EFCAB11: variants seen among roughly 807,000 people sequenced by gnomAD.
EFCAB11 encodes the protein EF-hand calcium binding domain 11.
Under a neutral mutation model 23.0 loss-of-function variants are expected in EFCAB11, and 14 were observed. The observed-to-expected ratio is 0.61, with a 90% CI of 0.40 to 0.95. The LOEUF is 0.95. Among genes scored for constraint, EFCAB11 ranks in the 40% least tolerant of loss-of-function variants. The probability of loss-of-function intolerance (pLI) is 0.00; values close to 1 mark genes in which losing one functional copy is unlikely to be tolerated. For missense variants in EFCAB11, 198 were observed against 195.8 expected, an observed-to-expected ratio of 1.01 and a Z score of -0.07; for synonymous variants, 65 against 66.6, an observed-to-expected ratio of 0.98 and a Z score of 0.11.
chr14:89,850,649 T>C (rs1045426355), intron 5 of EFCAB11, among the ~76,000 whole-genome samples: 6 of 152,222 alleles, frequency 3.9e-5, no homozygotes, highest in East Asian at 3.8e-4. Context: ...CTTTTGTATG[T>C]GTAAGTCCAG....
At chr14:89,944,664 T>A (rs574542385) in intron 3 of EFCAB11, among the ~76,000 whole-genome samples, 3 of 152,130 alleles carry the variant, frequency 2.0e-5, no homozygotes, top group Admixed American at 6.6e-5. Context: ...AAGTTGTAAC[T>A]AATGGAACAT....
At position 89,794,770 on chromosome 14, in the gene EFCAB11, A is replaced by C. The variant is rs893982537; in HGVS notation, c.*2473T>G. 2.0e-5 allele frequency: 3 copies of C among 152,206 alleles called. No individual in the cohort carries two copies. The highest frequency in any genetic ancestry group is 7.2e-5 in the African/African-American group (3 of 41,458). 9.4% of individuals were successfully genotyped at this position (152,206 alleles called of 1,614,324 possible). On this transcript the variant is annotated 3_prime_UTR_variant, in exon 6 of 6. Transcript: ENST00000316738. ...GGTTTTGAATAAGACTTTATTTTTT[A>C]AATGAATTTTTAATTTTAGAATAGT...
Position 89,906,212 on chromosome 14 carries a change from TAAA to T in EFCAB11, c.410+25326_410+25328del, listed in dbSNP as rs1320317318. Among the ~76,000 whole-genome samples, 11 of 150,622 alleles carry T rather than the reference TAAA, an allele frequency of 7.3e-5. No individual in the cohort carries two copies. In the East Asian group the frequency reaches 9.7e-4, roughly 13 times the overall value. The stretch of plus-strand genomic sequence containing the variant: ...ATAAATAAATAAATAAATAAATAAA[TAAA>T]TAAATTAAAGGTAACTTTCCCCATC... On this transcript the variant is annotated intron_variant, in intron 5 of 5. Transcript: ENST00000316738.
intron 5 of EFCAB11, among the ~76,000 whole-genome samples, chr14:89,812,303 G>C (rs1423388643): frequency 2.0e-5 from 3 of 152,198 alleles, no homozygotes; most frequent in African/African-American, 7.2e-5. Flanking sequence ...ACATATAAAA[G>C]GATATTTGAA....
intron 5 of EFCAB11, among the ~76,000 whole-genome samples, chr14:89,805,287 T>C (rs974655876): frequency 3.3e-5 from 5 of 152,214 alleles, no homozygotes; most frequent in Non-Finnish European, 5.9e-5. Flanking sequence ...GGGAGCTCAC[T>C]GGCCTTAACC....
intron 5 of EFCAB11, among the ~76,000 whole-genome samples, chr14:89,901,840 T>A (rs1207017525): frequency 1.3e-5 from 2 of 152,154 alleles, no homozygotes; most frequent in East Asian, 3.9e-4. Context: ...AATCTGAAAC[T>A]TTTTGATATT....
At chr14:89,919,791 G>C (rs74975403) in intron 5 of EFCAB11, among the ~76,000 whole-genome samples, 8,483 of 152,234 alleles carry the variant, frequency 0.056, 409 homozygotes, top group African/African-American at 0.12. Flanking sequence ...AGCGAGTGCA[G>C]GAACTACGAG....
At chr14:89,879,869 T>C (rs1888549283) in intron 5 of EFCAB11, among the ~76,000 whole-genome samples, 2 of 152,172 alleles carry the variant, frequency 1.3e-5, no homozygotes, top group African/African-American at 4.8e-5. Context: ...TGATGCTTCT[T>C]CCCCTATTAC....
At chr14:89,814,401 G>A (rs1886257302) in intron 5 of EFCAB11, among the ~76,000 whole-genome samples, 1 of 151,944 alleles carries the variant, frequency 6.6e-6, no homozygotes, top group Admixed American at 6.6e-5. Context: ...TTCCTTCAAG[G>A]GACTTTAAAA....
At chr14:89,930,199 T>C (rs962895244) in intron 5 of EFCAB11, among the ~76,000 whole-genome samples, 3 of 152,256 alleles carry the variant, frequency 2.0e-5, no homozygotes, top group African/African-American at 7.2e-5. Context: ...AGCTTGCTTG[T>C]CAATGATGCA....
At chr14:89,884,835 T>C (rs1888704774) in intron 5 of EFCAB11, among the ~76,000 whole-genome samples, 1 of 152,174 alleles carries the variant, frequency 6.6e-6, no homozygotes, top group African/African-American at 2.4e-5. Context: ...AGTGGGACCA[T>C]CATAAGGGAT....
At chr14:89,929,745 T>C (rs1890325833) in intron 5 of EFCAB11, among the ~76,000 whole-genome samples, 1 of 152,266 alleles carries the variant, frequency 6.6e-6, no homozygotes, top group African/African-American at 2.4e-5. Context: ...GGTGACATTA[T>C]GTTTTAAAAT....
chr14:89,808,307 C>CTG lies in EFCAB11; in HGVS notation c.411-10985_411-10984dup, dbSNP rs568489616. On this transcript the variant is annotated intron_variant, in intron 5 of 5. Transcript: ENST00000316738. The stretch of plus-strand genomic sequence containing the variant: ...CTAGGGGCTGTGACATGGCCAGATC[C>CTG]TGAAGGATATTCTCATACAGTGTTA... Among the ~76,000 whole-genome samples the CTG allele has an allele frequency of 3.8e-4, 58 of 152,228 alleles. No homozygotes were observed. In the South Asian group the frequency reaches 8.5e-3, roughly 22 times the overall value.
intron 5 of EFCAB11, among the ~76,000 whole-genome samples, chr14:89,817,262 C>T (rs1042727241): frequency 2.6e-5 from 4 of 152,046 alleles, no homozygotes; most frequent in Non-Finnish European, 4.4e-5. Flanking sequence ...ACACCTGTAA[C>T]CCCAGTGCTT....
In EFCAB11 at chr14:89,931,568, G is replaced by A. The variant is rs45565734; in HGVS notation, c.383C>T (p.Pro128Leu). The A allele has an allele frequency of 2.1e-5, 34 of 1,614,086 alleles. No individual in the cohort carries two copies. Among genetic ancestry groups the A allele is most frequent in the East Asian group, 8.9e-5 (4 of 44,872 alleles). ...KAFRQVAPKL[P>L]ERTVLEVFRE... ...GAATACCTCAAGAACAGTCCTTTCCGGTAATTTGGGAGCCACCTGCCTAAA... is the reference window on the plus strand; with the variant it reads ...GAATACCTCAAGAACAGTCCTTTCCAGTAATTTGGGAGCCACCTGCCTAAA... Residue 128 changes from proline (P) to leucine (L), a missense_variant, in exon 5 of 6, where the codon CCG (proline) becomes CTG (leucine). Pro to Leu is a moderately conservative substitution (Grantham distance 98, BLOSUM62 -3). Transcript: ENST00000316738.
At chr14:89,924,767 T>C (rs1890137025) in intron 5 of EFCAB11, 2 of 1,424,656 alleles carry the variant, frequency 1.4e-6, no homozygotes, top group South Asian at 2.6e-5. Context: ...CACATGTGGC[T>C]ATGAAGCTCC....
chr14:89,945,583 G>A (rs1435736864), intron 3 of EFCAB11, among the ~76,000 whole-genome samples: 2 of 152,166 alleles, frequency 1.3e-5, no homozygotes, highest in Non-Finnish European at 2.9e-5. Flanking sequence ...TTCTAATGTC[G>A]TTCCATCACA....
chr14:89,884,463 A>G (rs1888691491), intron 5 of EFCAB11, among the ~76,000 whole-genome samples: 1 of 152,194 alleles, frequency 6.6e-6, no homozygotes, highest in Non-Finnish European at 1.5e-5. Flanking sequence ...GTGAAATACT[A>G]AAGTTTTCCC....
Position 89,948,723 on chromosome 14 carries a change from C to T in EFCAB11, c.217+1374G>A, listed in dbSNP as rs551783279. ...AAAATGGGAGGTCACTATGTTAAGTCAAATAAGGCACAGAAAGTCAAACAC... is the reference window on the plus strand; with the variant it reads ...AAAATGGGAGGTCACTATGTTAAGTTAAATAAGGCACAGAAAGTCAAACAC... On this transcript the variant is annotated intron_variant, in intron 3 of 5. Coordinates refer to ENST00000316738, the MANE Select transcript of EFCAB11 (RefSeq NM_145231.4). Among the ~76,000 whole-genome samples the T allele has an allele frequency of 1.1e-3, 165 of 152,164 alleles. 1 individual carries two copies. The highest frequency in any genetic ancestry group is 3.8e-3 in the African/African-American group (156 of 41,524).
Sources: allele counts gnomAD v4.1 joint callset (sites outside exome capture counted in the v4.1 genomes callset), GRCh38; gene constraint gnomAD v4.1.1; transcripts MANE v1.5; gene names NCBI Gene and HGNC (gene_info 2026-07-23, HGNC 2026-07-21).